IMMP2L: variants seen among roughly 807,000 people sequenced by gnomAD.
IMMP2L encodes mitochondrial inner membrane protease subunit 2.
IMMP2L carries 18 observed loss-of-function variants against 19.3 expected under a neutral mutation model. That is an observed-to-expected ratio of 0.93 (90% CI 0.64 to 1.38). The LOEUF (loss-of-function observed/expected upper bound fraction) is 1.38, where lower values mean the gene tolerates loss of function less well. Ranked by LOEUF, IMMP2L falls within the 40% of genes most tolerant of loss-of-function variation. The probability of loss-of-function intolerance (pLI) is 0.00; values close to 1 mark genes in which losing one functional copy is unlikely to be tolerated. For synonymous variants in IMMP2L, 76 were observed against 73.0 expected, an observed-to-expected ratio of 1.04 and a Z score of -0.21; for missense variants, 233 against 218.2, an observed-to-expected ratio of 1.07 and a Z score of -0.43.
chr7:111,513,642 A>C (rs1329287104), intron 2 of IMMP2L, among the ~76,000 whole-genome samples: 1 of 152,158 alleles, frequency 6.6e-6, no homozygotes, highest in Non-Finnish European at 1.5e-5. Context: ...AGTCAAAGAA[A>C]TATCTTCACT....
chr7:111,475,930 A>G (rs541129612), intron 3 of IMMP2L, among the ~76,000 whole-genome samples: 4 of 152,242 alleles, frequency 2.6e-5, no homozygotes, highest in African/African-American at 9.6e-5. Flanking sequence ...ATGTGCCAAT[A>G]TAGCTCTTCT....
At chr7:111,136,762 T>A (rs1262228780) in intron 3 of IMMP2L, among the ~76,000 whole-genome samples, 1 of 152,202 alleles carries the variant, frequency 6.6e-6, no homozygotes, top group African/African-American at 2.4e-5. Flanking sequence ...GCTAACAGCA[T>A]CATCAATATC....
chr7:111,553,194 G>A (rs560082686), intron 1 of IMMP2L, among the ~76,000 whole-genome samples: 1 of 152,242 alleles, frequency 6.6e-6, no homozygotes, highest in African/African-American at 2.4e-5. Context: ...GGCTCAGAGA[G>A]GTTAATTTAC....
chr7:110,852,211 T>A (rs1806295656), intron 5 of IMMP2L, among the ~76,000 whole-genome samples: 1 of 149,740 alleles, frequency 6.7e-6, no homozygotes, highest in Non-Finnish European at 1.5e-5. Flanking sequence ...GATGGATGGA[T>A]GGATGGATGG....
intron 3 of IMMP2L, among the ~76,000 whole-genome samples, chr7:111,139,069 A>C (rs1223907685): frequency 6.6e-6 from 1 of 152,162 alleles, no homozygotes; most frequent in Non-Finnish European, 1.5e-5. Flanking sequence ...TGTGAGAATA[A>C]TGAACAAATA....
chr7:111,428,247 T>A (rs1259421362), intron 3 of IMMP2L, among the ~76,000 whole-genome samples: 1 of 151,792 alleles, frequency 6.6e-6, no homozygotes, highest in Non-Finnish European at 1.5e-5. Context: ...CACTCTGTCT[T>A]CTTTGTCTAA....
intron 5 of IMMP2L, among the ~76,000 whole-genome samples, chr7:110,774,468 C>CA (rs1411647634): frequency 1.3e-5 from 2 of 151,762 alleles, no homozygotes; most frequent in Non-Finnish European, 2.9e-5. Flanking sequence ...CAGAAGGAAA[C>CA]AAAAAACCCT....
Position 110,686,792 on chromosome 7 carries a change from C to T in IMMP2L, c.409-23071G>A, listed in dbSNP as rs187732536. ...CTGAACGAACACAGTAACCTCAATA[C>T]AAAACTCTCCAATTTCAACCTTGTT... On this transcript the variant is annotated intron_variant, in intron 5 of 5. Coordinates refer to ENST00000405709, the MANE Select transcript of IMMP2L (RefSeq NM_032549.4). Among the ~76,000 whole-genome samples the T allele has an allele frequency of 5.7e-4, 86 of 152,142 alleles. 2 individuals are homozygous for T. Among genetic ancestry groups the T allele is most frequent in the Non-Finnish European group, 9.4e-4 (64 of 67,972 alleles).
intron 3 of IMMP2L, among the ~76,000 whole-genome samples, chr7:111,403,465 A>G (rs117017583): frequency 2.6e-5 from 4 of 151,532 alleles, no homozygotes; most frequent in Non-Finnish European, 5.9e-5. Context: ...ATATATATAT[A>G]TTTTTAAACA....
At chr7:111,289,604 A>G (rs1820870501) in intron 3 of IMMP2L, among the ~76,000 whole-genome samples, 1 of 152,078 alleles carries the variant, frequency 6.6e-6, no homozygotes, top group Non-Finnish European at 1.5e-5. Flanking sequence ...GGATATATAA[A>G]TCAAAAGGCC....
intron 3 of IMMP2L, among the ~76,000 whole-genome samples, chr7:111,268,569 C>CCTTTTTTTTTTTTTT (rs1818082378): frequency 2.2e-5 from 1 of 44,562 alleles, no homozygotes; most frequent in Non-Finnish European, 3.8e-5. Context: ...TCACATTTCT[C>CCTTTTTTTTTTTTTT]TTTTTTTTTT....
chr7:110,806,061 C>A (rs1801611583), intron 5 of IMMP2L, among the ~76,000 whole-genome samples: 1 of 151,894 alleles, frequency 6.6e-6, no homozygotes, highest in Admixed American at 6.6e-5. Context: ...CATTCTTAGG[C>A]CAAAGACTGC....
intron 3 of IMMP2L, among the ~76,000 whole-genome samples, chr7:111,235,307 A>C (rs1228849377): frequency 2.0e-5 from 3 of 152,004 alleles, no homozygotes; most frequent in African/African-American, 7.3e-5. Context: ...CCCAGTCTCT[A>C]CTAAAAATAC....
intron 3 of IMMP2L, among the ~76,000 whole-genome samples, chr7:111,146,256 A>C (rs1326565796): frequency 1.7e-5 from 1 of 57,952 alleles, no homozygotes; most frequent in African/African-American, 6.8e-5. Flanking sequence ...AGGGGAGGAA[A>C]GGGAGGAAGG....
intron 3 of IMMP2L, among the ~76,000 whole-genome samples, chr7:111,250,592 T>C (rs1815991215): frequency 6.6e-6 from 1 of 152,042 alleles, no homozygotes; most frequent in African/African-American, 2.4e-5. Flanking sequence ...AACTCACAAA[T>C]AAGACTGCAC....
In IMMP2L at chr7:111,424,121, T is replaced by C. The variant is rs539258751; in HGVS notation, c.239+63117A>G. Among the ~76,000 whole-genome samples, 105 of 152,018 alleles carry C rather than the reference T, an allele frequency of 6.9e-4. 3 individuals carry two copies. The highest frequency in any genetic ancestry group is 2.5e-3 in the African/African-American group (104 of 41,326). The stretch of plus-strand genomic sequence containing the variant: ...AAATCCATTCACAAATTCTAGGATG[T>C]ATGATTTTTTAAGTGAATTCTGATT... On this transcript the variant is annotated intron_variant, in intron 3 of 5. Coordinates refer to ENST00000405709, the MANE Select transcript of IMMP2L (RefSeq NM_032549.4).
chr7:110,746,042 A>G (rs958215855), intron 5 of IMMP2L, among the ~76,000 whole-genome samples: 1 of 152,178 alleles, frequency 6.6e-6, no homozygotes, highest in African/African-American at 2.4e-5. Context: ...GCTCAAAATA[A>G]AGGGATGGAG....
intron 5 of IMMP2L, among the ~76,000 whole-genome samples, chr7:110,821,276 G>A (rs1803003304): frequency 6.6e-6 from 1 of 152,092 alleles, no homozygotes; most frequent in African/African-American, 2.4e-5. Flanking sequence ...GTTTGGCTCA[G>A]AGGGCTCAGT....
chr7:110,703,280 C>T lies in IMMP2L; in HGVS notation c.409-39559G>A, dbSNP rs550655743. Among the ~76,000 whole-genome samples, 11 of 152,142 alleles carry T rather than the reference C, an allele frequency of 7.2e-5. 1 individual carries two copies. The highest frequency in any genetic ancestry group is 6.8e-3 in the Middle Eastern group (2 of 294). On this transcript the variant is annotated intron_variant, in intron 5 of 5. Coordinates refer to ENST00000405709, the MANE Select transcript of IMMP2L (RefSeq NM_032549.4). ...CACCCTTGCATTCCAGAGATAATCC[C>T]CATTTGGTAACAACATATTATCCTT...
Sources: gnomAD v4.1 joint callset for allele counts (sites outside exome capture counted in the v4.1 genomes callset) on GRCh38, gnomAD v4.1.1 for gene constraint, MANE v1.5 for transcripts, NCBI Gene and HGNC (gene_info 2026-07-23, HGNC 2026-07-21) for gene names.